The following SNX29 variants were observed in gnomAD, a reference collection of about 807,000 sequenced individuals.
SNX29 encodes the protein sorting nexin-29.
In SNX29, 78 loss-of-function variants were observed where a neutral mutation model predicts 102.1. The ratio of observed to expected loss-of-function variants is 0.76; its 90% CI spans 0.64 to 0.92. The LOEUF is 0.92. SNX29 is among the 40% of genes least tolerant of loss of function. The pLI is 0.00. For synonymous variants in SNX29, 580 were observed against 414.5 expected, an observed-to-expected ratio of 1.40 and a Z score of -4.85; for missense variants, 1,280 against 1,061.7, an observed-to-expected ratio of 1.21 and a Z score of -2.86.
At chr16:12,268,583 C>G (rs887821238) in intron 14 of SNX29, among the ~76,000 whole-genome samples, 2 of 152,196 alleles carry the variant, frequency 1.3e-5, no homozygotes, top group African/African-American at 4.8e-5. Context: ...TGGAAGGGTC[C>G]TTTCTCCTTC....
rs79638904 is a variant in SNX29, at chr16:12,213,975, A to G, written c.1678+14292A>G. ...CAGGGATGGAGGGTGCTAAAGTCCC[A>G]TCAAGCCACCCCTTTTTGCCCCACT... On this transcript the variant is annotated intron_variant, in intron 14 of 20. Coordinates refer to ENST00000566228, the MANE Select transcript of SNX29 (RefSeq NM_032167.5). Among the ~76,000 whole-genome samples, 959 of 152,244 alleles carry G rather than the reference A, an allele frequency of 6.3e-3. 8 individuals carry two copies. Among genetic ancestry groups the G allele is most frequent in the African/African-American group, 0.022 (897 of 41,546 alleles).
At chr16:12,340,289 G>A (rs574012852) in intron 15 of SNX29, among the ~76,000 whole-genome samples, 27 of 152,318 alleles carry the variant, frequency 1.8e-4, no homozygotes, top group African/African-American at 6.5e-4. Context: ...AAAGGAAGGA[G>A]AATTTCTATT....
intron 8 of SNX29, among the ~76,000 whole-genome samples, chr16:12,060,073 T>C (rs1354254038): frequency 1.3e-5 from 2 of 152,178 alleles, no homozygotes. Flanking sequence ...GCTGGCTCTC[T>C]GCATCCATGG....
At chr16:12,046,362 C>A (rs772722000) in intron 5 of SNX29, 22 bp from the exon 6 acceptor site, 1 of 1,612,402 alleles carries the variant, frequency 6.2e-7, no homozygotes, top group African/African-American at 1.3e-5. Context: ...AGAACGATTT[C>A]CTTTTCTCTT....
intron 3 of SNX29, among the ~76,000 whole-genome samples, chr16:12,020,710 C>G (rs1224576054): frequency 1.3e-5 from 2 of 151,800 alleles, no homozygotes; most frequent in East Asian, 1.9e-4. Context: ...TGCAACCTCC[C>G]CCTCCTGGGT....
At chr16:12,004,459 A>G (rs2056390076) in intron 3 of SNX29, among the ~76,000 whole-genome samples, 1 of 152,176 alleles carries the variant, frequency 6.6e-6, no homozygotes, top group African/African-American at 2.4e-5. Flanking sequence ...TGGTAAAGGT[A>G]GGAGACACAT....
rs543031319 is a variant in SNX29, at chr16:12,442,136, A to T, written c.2038-35583A>T. ...AGGATCCAGCTTCATTTTATTGTGG[A>T]TACCCAGTTGTCCCAGCACAGTTTG... On this transcript the variant is annotated intron_variant, in intron 18 of 20. Transcript: ENST00000566228. Among the ~76,000 whole-genome samples the T allele has an allele frequency of 3.9e-5, 6 of 152,234 alleles. No homozygotes were observed. In the South Asian group the frequency reaches 1.2e-3, roughly 32 times the overall value.
intron 18 of SNX29, among the ~76,000 whole-genome samples, chr16:12,464,557 G>A (rs113776373): frequency 6.6e-6 from 1 of 152,056 alleles, no homozygotes; most frequent in Non-Finnish European, 1.5e-5. Context: ...GGGCTCAAGC[G>A]ATCCTCCCAC....
chr16:12,548,261 C>T (rs181777570), intron 20 of SNX29, among the ~76,000 whole-genome samples: 11 of 152,300 alleles, frequency 7.2e-5, no homozygotes, highest in East Asian at 1.9e-4. Flanking sequence ...TCTGGCTCAC[C>T]AGATGTGGAC....
chr16:12,553,119 G>A (rs1021003535), intron 20 of SNX29, among the ~76,000 whole-genome samples: 3 of 147,534 alleles, frequency 2.0e-5, no homozygotes, highest in Admixed American at 6.6e-5. Context: ...CAGGCTGGGA[G>A]GGCCTTGGGC....
intron 18 of SNX29, chr16:12,443,170 A>G (rs568182573): frequency 1.2e-4 from 45 of 379,980 alleles, no homozygotes; most frequent in African/African-American, 8.7e-4. Flanking sequence ...TTTCTCTGTC[A>G]TGCTCCTTCC....
At chr16:11,996,800 T>C (rs573091433) in intron 1 of SNX29, among the ~76,000 whole-genome samples, 9 of 152,304 alleles carry the variant, frequency 5.9e-5, no homozygotes, top group Non-Finnish European at 8.8e-5. Context: ...CAAGAGGTGT[T>C]GGAGGACCTT....
chr16:12,358,834 C>T (rs2082220382), intron 16 of SNX29, among the ~76,000 whole-genome samples: 1 of 152,220 alleles, frequency 6.6e-6, no homozygotes, highest in South Asian at 2.1e-4. Context: ...ATTCAGGGAG[C>T]TTCCAGGTAG....
At chr16:12,165,749 A>G (rs1014155771) in intron 13 of SNX29, among the ~76,000 whole-genome samples, 1 of 152,196 alleles carries the variant, frequency 6.6e-6, no homozygotes, top group African/African-American at 2.4e-5. Flanking sequence ...TGTTCAGTGG[A>G]GACGGTGTTT....
chr16:12,160,860 G>T (rs1685617224), intron 13 of SNX29, among the ~76,000 whole-genome samples: 1 of 152,238 alleles, frequency 6.6e-6, no homozygotes, highest in African/African-American at 2.4e-5. Flanking sequence ...TAGCATCAAT[G>T]TCTGGACTGT....
chr16:12,557,143 C>G (rs1422684164), intron 20 of SNX29, among the ~76,000 whole-genome samples: 3 of 152,010 alleles, frequency 2.0e-5, no homozygotes, highest in East Asian at 1.9e-4. Context: ...GTCACTGCCC[C>G]TGGTCACAAT....
chr16:12,562,234 T>G (rs772182672), intron 20 of SNX29, among the ~76,000 whole-genome samples: 6 of 152,066 alleles, frequency 3.9e-5, no homozygotes, highest in Non-Finnish European at 7.4e-5. Flanking sequence ...AGTTCAGAAG[T>G]GAAGGGCGAG....
chr16:12,550,911 GTTTTA>G (rs2077935288), intron 20 of SNX29, among the ~76,000 whole-genome samples: 1 of 152,168 alleles, frequency 6.6e-6, no homozygotes, highest in African/African-American at 2.4e-5. Flanking sequence ...AGAATTGCTG[GTTTTA>G]TTTAAGTGGA....
intron 11 of SNX29, among the ~76,000 whole-genome samples, chr16:12,088,921 C>G (rs997638989): frequency 1.3e-5 from 2 of 152,150 alleles, no homozygotes; most frequent in African/African-American, 4.8e-5. Context: ...AACCCCATCT[C>G]TACTGACAGT....
Sources: allele counts gnomAD v4.1 joint callset (sites outside exome capture counted in the v4.1 genomes callset), GRCh38; gene constraint gnomAD v4.1.1; transcripts MANE v1.5; gene names NCBI Gene and HGNC (gene_info 2026-07-23, HGNC 2026-07-21).